The following ELAVL4 variants were observed in gnomAD, a reference collection of about 807,000 sequenced individuals.
ELAVL4 encodes the protein ELAV like RNA binding protein 4, also known as ELAV-like protein 4.
In ELAVL4, 1 loss-of-function variant was observed where a neutral mutation model predicts 35.6. The ratio of observed to expected loss-of-function variants is 0.03; its 90% CI spans 0.01 to 0.13. The LOEUF is 0.13. Among genes scored for constraint, ELAVL4 ranks in the 10% least tolerant of loss-of-function variants. The probability of loss-of-function intolerance (pLI) is 1.00; values close to 1 mark genes in which losing one functional copy is unlikely to be tolerated. For missense variants in ELAVL4, 267 were observed against 464.9 expected (o/e 0.57, Z 3.91); for synonymous variants, 156 against 171.0 (o/e 0.91, Z 0.69).
intron 1 of ELAVL4, among the ~76,000 whole-genome samples, chr1:50,096,809 T>C (rs867306435): frequency 1.3e-5 from 2 of 152,310 alleles, no homozygotes; most frequent in Middle Eastern, 3.4e-3. Context: ...CCAGTTTAAA[T>C]ATGACACAAA....
intron 1 of ELAVL4, among the ~76,000 whole-genome samples, chr1:50,093,738 C>T (rs1015221336): frequency 5.9e-5 from 9 of 152,192 alleles, no homozygotes; most frequent in African/African-American, 9.7e-5. Flanking sequence ...TGATTCTATT[C>T]TGGACACTTC....
intron 6 of ELAVL4, 67 bp from the exon 7 acceptor site, chr1:50,200,784 G>T: frequency 6.4e-7 from 1 of 1,574,522 alleles, no homozygotes; most frequent in South Asian, 1.2e-5. Flanking sequence ...CTGTGTCTGT[G>T]CATCTGTGTG....
At chr1:50,195,938 A>T in intron 5 of ELAVL4, 152 bp downstream of exon 5, 1 of 861,980 alleles carries the variant, frequency 1.2e-6, no homozygotes, top group Non-Finnish European at 1.8e-6. Context: ...CTCAGTTTCC[A>T]TTCCTGTAAA....
chr1:50,085,331 A>G (rs1665190541), intron 1 of ELAVL4, among the ~76,000 whole-genome samples: 1 of 152,214 alleles, frequency 6.6e-6, no homozygotes, highest in African/African-American at 2.4e-5. Context: ...GAGGTCACAC[A>G]GAGAATGTAA....
chr1:50,071,909 TCA>T (rs747005131), intron 1 of ELAVL4, among the ~76,000 whole-genome samples: 1 of 152,164 alleles, frequency 6.6e-6, no homozygotes, highest in Non-Finnish European at 1.5e-5. Context: ...TGAGTAGCAC[TCA>T]CATAAATTGA....
chr1:50,195,473 C>A, intron 4 of ELAVL4, 88 bp from the exon 5 acceptor site: 2 of 1,466,410 alleles, frequency 1.4e-6, no homozygotes, highest in Non-Finnish European at 1.9e-6. Context: ...TTACTCCTCA[C>A]ACAATATCCA....
At chr1:50,158,650 A>G (rs777925994) in intron 2 of ELAVL4, among the ~76,000 whole-genome samples, 9 of 152,266 alleles carry the variant, frequency 5.9e-5, no homozygotes, top group Middle Eastern at 3.4e-3. Context: ...CCACTATGCA[A>G]TTCTGTCCTG....
chr1:50,150,747 C>T (rs1230488997), intron 2 of ELAVL4, among the ~76,000 whole-genome samples: 3 of 152,174 alleles, frequency 2.0e-5, no homozygotes, highest in Non-Finnish European at 2.9e-5. Flanking sequence ...ATAAAAGGCT[C>T]TGAAAAATCC....
At chr1:50,105,187 T>A (rs1319628691), upstream of ELAVL4, among the ~76,000 whole-genome samples, 1 of 152,206 alleles carries the variant, frequency 6.6e-6, no homozygotes, top group Non-Finnish European at 1.5e-5. Context: ...ACCCTTAAAC[T>A]CTTGCCTCCA....
At chr1:50,053,015 A>G (rs1356261297) in intron 1 of ELAVL4, among the ~76,000 whole-genome samples, 1 of 152,206 alleles carries the variant, frequency 6.6e-6, no homozygotes, top group Non-Finnish European at 1.5e-5. Flanking sequence ...AAATTTTATT[A>G]GTATAATAAC....
chr1:50,181,671 G>GTA (rs1681048376), intron 3 of ELAVL4, among the ~76,000 whole-genome samples: 1 of 90,276 alleles, frequency 1.1e-5, no homozygotes, highest in Non-Finnish European at 2.4e-5. Flanking sequence ...GTGTGTATGT[G>GTA]TGTGTTTGTT....
At chr1:50,075,818 T>G (rs80058808) in intron 1 of ELAVL4, among the ~76,000 whole-genome samples, 3,680 of 150,168 alleles carry the variant, frequency 0.025, 123 homozygotes, top group African/African-American at 0.087. Flanking sequence ...TAGATATAGA[T>G]AGAGAGAGAG....
At chr1:50,173,914 C>T (rs961538881) in intron 2 of ELAVL4, among the ~76,000 whole-genome samples, 29 of 152,288 alleles carry the variant, frequency 1.9e-4, no homozygotes, top group African/African-American at 6.7e-4. Flanking sequence ...GGGCTCCAGA[C>T]TGGATCCCTC....
chr1:50,075,610 G>C (rs1220998378), intron 1 of ELAVL4, among the ~76,000 whole-genome samples: 1 of 152,116 alleles, frequency 6.6e-6, no homozygotes, highest in Non-Finnish European at 1.5e-5. Flanking sequence ...AGACCACAGT[G>C]GGTTTTTTGT....
In ELAVL4 at chr1:50,200,015, T is replaced by C. The variant is rs530510182; in HGVS notation, c.774-836T>C. On this transcript the variant is annotated intron_variant, in intron 6 of 6. Transcript: ENST00000371824. Reference sequence around the variant, plus strand: ...TTCTAATGTATAGCGATTCAAGATATATAAATGCACAAACCACTTGCAGTC... The same window carrying C: ...TTCTAATGTATAGCGATTCAAGATACATAAATGCACAAACCACTTGCAGTC... Among the ~76,000 whole-genome samples, 8 of 152,350 alleles carry C rather than the reference T, an allele frequency of 5.3e-5. No individual in the cohort carries two copies. In the South Asian group the frequency reaches 1.2e-3, roughly 24 times the overall value.
At chr1:50,084,960 C>T (rs1339431158) in intron 1 of ELAVL4, among the ~76,000 whole-genome samples, 1 of 152,102 alleles carries the variant, frequency 6.6e-6, no homozygotes, top group African/African-American at 2.4e-5. Flanking sequence ...CATGATGCTG[C>T]ATTGAACATT....
At chr1:50,109,681 C>T (rs1666731620) in intron 1 of ELAVL4, 5 of 506,256 alleles carry the variant, frequency 9.9e-6, no homozygotes, top group South Asian at 2.2e-5. Context: ...AGTTGTGTTT[C>T]GGGGGACTGC....
intron 2 of ELAVL4, chr1:50,175,403 CACA>C (rs1679835218): frequency 2.6e-5 from 4 of 151,886 alleles, no homozygotes; most frequent in Non-Finnish European, 5.9e-5. Flanking sequence ...CACACACACA[CACA>C]CACACACACA....
intron 1 of ELAVL4, among the ~76,000 whole-genome samples, chr1:50,116,414 G>A (rs896417750): frequency 6.7e-5 from 9 of 134,378 alleles, no homozygotes; most frequent in East Asian, 4.2e-4. Context: ...GTGTGTGTGC[G>A]TGTGTGTGTG....
Sources: gnomAD v4.1 joint callset for allele counts (sites outside exome capture counted in the v4.1 genomes callset) on GRCh38, gnomAD v4.1.1 for gene constraint, MANE v1.5 for transcripts, NCBI Gene and HGNC (gene_info 2026-07-23, HGNC 2026-07-21) for gene names.